PLPPR1: variants seen among roughly 807,000 people sequenced by gnomAD.
PLPPR1 encodes phospholipid phosphatase related 1.
PLPPR1 carries 10 observed loss-of-function variants against 33.1 expected under a neutral mutation model. That is an observed-to-expected ratio of 0.30 (90% CI 0.19 to 0.51). The LOEUF is 0.51. PLPPR1 is among the 20% of genes least tolerant of loss of function. PLPPR1 has a pLI of 0.97. For missense variants in PLPPR1, 304 were observed against 408.1 expected (o/e 0.74, Z 2.20); for synonymous variants, 151 against 151.0 (o/e 1.00, Z 0.00).
At chr9:101,204,870 G>A (rs1826560029) in intron 2 of PLPPR1, among the ~76,000 whole-genome samples, 1 of 152,058 alleles carries the variant, frequency 6.6e-6, no homozygotes, top group African/African-American at 2.4e-5. Flanking sequence ...TTTTACTAGG[G>A]TCCCTGAAAG....
chr9:101,277,022 A>G (rs1828209406), intron 3 of PLPPR1, among the ~76,000 whole-genome samples: 1 of 152,226 alleles, frequency 6.6e-6, no homozygotes, highest in Non-Finnish European at 1.5e-5. Context: ...TCAATGTGAC[A>G]GCACTCATCA....
intron 1 of PLPPR1, among the ~76,000 whole-genome samples, chr9:101,152,381 G>T (rs1202313702): frequency 2.0e-5 from 3 of 152,156 alleles, no homozygotes; most frequent in African/African-American, 7.2e-5. Context: ...TTATTTTGCT[G>T]TGCAGAAGCT....
At chr9:101,145,860 A>C (rs1256961451) in intron 1 of PLPPR1, among the ~76,000 whole-genome samples, 46 of 97,538 alleles carry the variant, frequency 4.7e-4, no homozygotes, top group African/African-American at 1.1e-3. Flanking sequence ...AAAAAAAAAA[A>C]ATGAAAATAG....
chr9:101,257,566 G>A (rs1334422753), intron 2 of PLPPR1, among the ~76,000 whole-genome samples: 2 of 152,134 alleles, frequency 1.3e-5, no homozygotes, highest in Non-Finnish European at 2.9e-5. Flanking sequence ...ATCACATTAT[G>A]CTGTGAAGAC....
At chr9:101,245,749 C>T (rs774795466) in intron 2 of PLPPR1, among the ~76,000 whole-genome samples, 2 of 151,766 alleles carry the variant, frequency 1.3e-5, no homozygotes, top group Non-Finnish European at 2.9e-5. Flanking sequence ...ACTGGAAAGA[C>T]TGAGTAACCT....
At chr9:101,246,058 ATATAT>A in intron 2 of PLPPR1, among the ~76,000 whole-genome samples, 1 of 3,918 alleles carries the variant, frequency 2.6e-4, no homozygotes, top group Non-Finnish European at 7.1e-4. Flanking sequence ...GAATATGAAT[ATATAT>A]ATATATATAT....
intron 2 of PLPPR1, among the ~76,000 whole-genome samples, chr9:101,236,579 T>C (rs1013885778): frequency 5.3e-5 from 8 of 149,964 alleles, no homozygotes; most frequent in African/African-American, 1.7e-4. Flanking sequence ...ATAGTTACCA[T>C]AATACACTTG....
chr9:101,314,827 A>G (rs988914438), intron 6 of PLPPR1, among the ~76,000 whole-genome samples: 2 of 152,220 alleles, frequency 1.3e-5, no homozygotes, highest in Non-Finnish European at 2.9e-5. Flanking sequence ...TTTTGAATGG[A>G]TCCAGGCATT....
At chr9:101,308,847 A>G (rs1325949410) in intron 4 of PLPPR1, among the ~76,000 whole-genome samples, 1 of 152,140 alleles carries the variant, frequency 6.6e-6, no homozygotes, top group Non-Finnish European at 1.5e-5. Context: ...CTTTTCCCCA[A>G]ACTACCCCCT....
chr9:101,124,217 C>G lies in PLPPR1; in HGVS notation c.-45-61233C>G, dbSNP rs117828506. Reference sequence around the variant, plus strand: ...GGAGTCGCTCTGGTTTGAATACTTCCCACACATCTCCCCTTTCCCTTTTTC... The same window carrying G: ...GGAGTCGCTCTGGTTTGAATACTTCGCACACATCTCCCCTTTCCCTTTTTC... On this transcript the variant is annotated intron_variant, in intron 1 of 7. Coordinates refer to ENST00000374874, the MANE Select transcript of PLPPR1 (RefSeq NM_207299.2). Among the ~76,000 whole-genome samples, 83 of 152,180 alleles carry G rather than the reference C, an allele frequency of 5.5e-4. 1 individual carries two copies. In the East Asian group the frequency reaches 0.014, roughly 26 times the overall value.
intron 1 of PLPPR1, among the ~76,000 whole-genome samples, chr9:101,097,875 A>G (rs1189238703): frequency 2.0e-5 from 3 of 152,176 alleles, no homozygotes; most frequent in African/African-American, 4.8e-5. Context: ...TAAGCATAAA[A>G]TATAAAATAG....
chr9:101,123,769 A>T (rs2118598105), intron 1 of PLPPR1, among the ~76,000 whole-genome samples: 1 of 152,292 alleles, frequency 6.6e-6, no homozygotes, highest in South Asian at 2.1e-4. Flanking sequence ...AGGAGCCAGC[A>T]AGTCTAGACA....
At chr9:101,187,188 C>A (rs755533853) in intron 2 of PLPPR1, 6 of 151,758 alleles carry the variant, frequency 4.0e-5, no homozygotes, top group African/African-American at 1.5e-4. Flanking sequence ...AAGTAGGCTG[C>A]GGGAAGTTAG....
chr9:101,079,780 A>C (rs959743862), intron 1 of PLPPR1, among the ~76,000 whole-genome samples: 1 of 152,028 alleles, frequency 6.6e-6, no homozygotes, highest in Non-Finnish European at 1.5e-5. Flanking sequence ...TGGTTTCACC[A>C]TGTTGGTCAG....
intron 4 of PLPPR1, among the ~76,000 whole-genome samples, 189 bp from the exon 5 acceptor site, chr9:101,309,022 G>T (rs1018477377): frequency 4.6e-5 from 7 of 152,112 alleles, no homozygotes; most frequent in African/African-American, 1.7e-4. Context: ...CCTAACAGTA[G>T]AATGTCTACA....
chr9:101,294,836 G>A (rs1160568281), intron 4 of PLPPR1, among the ~76,000 whole-genome samples: 2 of 152,048 alleles, frequency 1.3e-5, no homozygotes, highest in Non-Finnish European at 2.9e-5. Context: ...CAAACCCACA[G>A]CCAATATCAT....
chr9:101,138,455 C>T (rs10481652), intron 1 of PLPPR1, among the ~76,000 whole-genome samples: 325 of 152,298 alleles, frequency 2.1e-3, no homozygotes, highest in African/African-American at 7.4e-3. Context: ...AGGTTTACTG[C>T]ATGCTGGGTG....
intron 2 of PLPPR1, among the ~76,000 whole-genome samples, chr9:101,231,440 A>C (rs952621413): frequency 6.6e-6 from 1 of 151,874 alleles, no homozygotes; most frequent in African/African-American, 2.4e-5. Context: ...GATTTAGCAC[A>C]AATTCTCCTA....
At chr9:101,193,146 G>T (rs1327246283) in intron 2 of PLPPR1, among the ~76,000 whole-genome samples, 1 of 152,130 alleles carries the variant, frequency 6.6e-6, no homozygotes, top group Non-Finnish European at 1.5e-5. Context: ...GAGAATGTAG[G>T]ACTAAGAAAA....
Sources: gnomAD v4.1 joint callset for allele counts (sites outside exome capture counted in the v4.1 genomes callset) on GRCh38, gnomAD v4.1.1 for gene constraint, MANE v1.5 for transcripts, NCBI Gene and HGNC (gene_info 2026-07-23, HGNC 2026-07-21) for gene names.